The following HTRA1 variants were observed in gnomAD, a reference collection of about 807,000 sequenced individuals.
HTRA1 encodes the protein serine protease HTRA1.
In HTRA1, 26 loss-of-function variants were observed where a neutral mutation model predicts 49.7. That is an observed-to-expected ratio of 0.52 (90% CI 0.38 to 0.73). The LOEUF (loss-of-function observed/expected upper bound fraction) is 0.73. Ranked by LOEUF, HTRA1 falls within the 30% of genes least tolerant of loss-of-function variation. The probability of loss-of-function intolerance (pLI) is 0.00; values close to 1 mark genes in which losing one functional copy is unlikely to be tolerated. For missense variants in HTRA1, 561 were observed against 667.2 expected (o/e 0.84, Z 1.75); for synonymous variants, 291 against 286.9 (o/e 1.01, Z -0.14).
In HTRA1 at chr10:122,461,585, A is replaced by T; in HGVS notation, c.-68A>T. 1.9e-6 allele frequency: 2 copies of T among 1,028,530 alleles called. No homozygotes were observed. The highest frequency in any genetic ancestry group is 1.5e-5 in the South Asian group (1 of 67,178). 63.7% of individuals were successfully genotyped at this position (1,028,530 alleles called of 1,614,324 possible). ...CCCGCTGCCCCCGAGGCCCTCCTGC[A>T]CTCTCCCCGGCGCCGCTCTCCGGCC... On this transcript the variant is annotated 5_prime_UTR_variant, in exon 1 of 9. Coordinates refer to ENST00000368984, the MANE Select transcript of HTRA1 (RefSeq NM_002775.5).
chr10:122,491,937 A>AG (rs2097496061), intron 3 of HTRA1, among the ~76,000 whole-genome samples: 1 of 152,224 alleles, frequency 6.6e-6, no homozygotes, highest in African/African-American at 2.4e-5. Context: ...AGTTGAAAGT[A>AG]GGGAGAGTAA....
At chr10:122,510,532 G>A (rs1271119522) in intron 7 of HTRA1, among the ~76,000 whole-genome samples, 2 of 152,134 alleles carry the variant, frequency 1.3e-5, no homozygotes, top group African/African-American at 2.4e-5. Flanking sequence ...AGCCCCTCCC[G>A]CAGCTCTAGG....
chr10:122,504,545 C>T (rs2097502268), intron 3 of HTRA1, among the ~76,000 whole-genome samples: 2 of 152,186 alleles, frequency 1.3e-5, no homozygotes, highest in Non-Finnish European at 2.9e-5. Flanking sequence ...CCACCCCGCT[C>T]CATTAACCTG....
chr10:122,475,996 G>A lies in HTRA1; in HGVS notation c.473-12906G>A, dbSNP rs2097488299. On this transcript the variant is annotated intron_variant, in intron 1 of 8. Transcript: ENST00000368984. ...CTGGGAAAGAAATGAGTGTTGTGGG[G>A]CAGCTTTGCTGCATTCACTGGGTCA... 2.0e-5 allele frequency among the ~76,000 whole-genome samples: 3 copies of A among 152,206 alleles called. No individual in the cohort carries two copies. In the South Asian group the frequency reaches 6.2e-4, roughly 32 times the overall value.
intron 3 of HTRA1, among the ~76,000 whole-genome samples, chr10:122,501,175 C>T (rs1005477245): frequency 2.6e-5 from 4 of 152,114 alleles, no homozygotes; most frequent in African/African-American, 7.2e-5. Flanking sequence ...GGTGGTGGGT[C>T]GTGAAGGCTG....
At chr10:122,477,054 G>A (rs916259971) in intron 1 of HTRA1, among the ~76,000 whole-genome samples, 4 of 144,702 alleles carry the variant, frequency 2.8e-5, no homozygotes, top group Admixed American at 7.2e-5. Context: ...TGCAAGCTCC[G>A]CCTTCCAGGT....
intron 1 of HTRA1, among the ~76,000 whole-genome samples, chr10:122,485,918 G>C (rs1206115799): frequency 6.6e-6 from 1 of 152,218 alleles, no homozygotes; most frequent in East Asian, 1.9e-4. Flanking sequence ...CCAGGAAGCT[G>C]GTCTGAGGAA....
rs996483189 is a variant in HTRA1, at chr10:122,461,686, C to T, written c.34C>T (p.Leu12=). ...CCCGCGCGCCGCTCTTCTCCCGCTG[C>T]TGCTGCTGCTGCTGGCGGCGCCCGC... is the stretch of plus-strand genomic sequence containing the variant. ...QIPRAALLPL[L]LLLLAAPASA... The change falls in exon 1 of 9, where the codon CTG becomes TTG. Residue 12 remains leucine (L), a synonymous_variant. Coordinates refer to ENST00000368984, the MANE Select transcript of HTRA1 (RefSeq NM_002775.5). 6.1e-6 allele frequency: 8 copies of T among 1,304,380 alleles called. No individual in the cohort carries two copies. The South Asian group carries it at 1.1e-4, about 18-fold the overall frequency. The allele number at this position is 1,304,380 out of a possible 1,614,324, so 80.8% of individuals were successfully genotyped here.
chr10:122,469,403 G>C (rs2097485153), intron 1 of HTRA1, among the ~76,000 whole-genome samples: 1 of 152,228 alleles, frequency 6.6e-6, no homozygotes, highest in Non-Finnish European at 1.5e-5. Flanking sequence ...GATGGACACA[G>C]TTGGGATTGC....
chr10:122,513,317 A>C (rs1353943598), intron 8 of HTRA1, among the ~76,000 whole-genome samples: 1 of 152,142 alleles, frequency 6.6e-6, no homozygotes, highest in African/African-American at 2.4e-5. Context: ...ACCCATTATA[A>C]GCAAGTTGGC....
intron 1 of HTRA1, among the ~76,000 whole-genome samples, chr10:122,465,276 T>C (rs1220795104): frequency 6.6e-6 from 1 of 152,200 alleles, no homozygotes; most frequent in Non-Finnish European, 1.5e-5. Context: ...CATCTCCAGC[T>C]GTACTGGTCA....
Position 122,514,553 on chromosome 10 carries a change from G to A in HTRA1, c.*194G>A. 1.6e-6 allele frequency: 1 copy of A among 625,982 alleles called. No individual in the cohort carries two copies. Among genetic ancestry groups the A allele is most frequent in the South Asian group, 1.8e-5 (1 of 54,744 alleles). 38.8% of individuals were successfully genotyped at this position (625,982 alleles called of 1,614,324 possible). A position where few individuals can be genotyped will look rare whatever the true frequency, so the allele number is the denominator to read the frequency against. ...ACAAATGTAATGTTGCAGATCCGCAGGCAGAAGCTCTGCCCTTCTGTATCC... is the reference window on the plus strand; with the variant it reads ...ACAAATGTAATGTTGCAGATCCGCAAGCAGAAGCTCTGCCCTTCTGTATCC... On this transcript the variant is annotated 3_prime_UTR_variant, in exon 9 of 9. Coordinates refer to ENST00000368984, the MANE Select transcript of HTRA1 (RefSeq NM_002775.5).
intron 8 of HTRA1, among the ~76,000 whole-genome samples, chr10:122,513,192 G>A (rs140919995): frequency 3.2e-4 from 49 of 152,154 alleles, no homozygotes; most frequent in African/African-American, 1.1e-3. Context: ...CCATGACAGC[G>A]TTTTGACGCT....
At chr10:122,489,834 A>C (rs529589420) in intron 3 of HTRA1, among the ~76,000 whole-genome samples, 1 of 152,268 alleles carries the variant, frequency 6.6e-6, no homozygotes, top group African/African-American at 2.4e-5. Flanking sequence ...AAGGAGCCAG[A>C]TAAAAGTTTT....
At chr10:122,470,170 T>C (rs942051043) in intron 1 of HTRA1, among the ~76,000 whole-genome samples, 29 of 152,226 alleles carry the variant, frequency 1.9e-4, no homozygotes, top group Non-Finnish European at 4.4e-5. Flanking sequence ...GAAAGAGAAG[T>C]GTTGACGTCT....
rs372094829 is a variant in HTRA1, at chr10:122,514,377, A to G, written c.*18A>G. ...ACCCATAGGCAGAGGCATGAGCTGG[A>G]CTTCATGTTTCCCTCAAAGACTCTC... On this transcript the variant is annotated 3_prime_UTR_variant, in exon 9 of 9. Coordinates refer to ENST00000368984, the MANE Select transcript of HTRA1 (RefSeq NM_002775.5). 2 of 1,612,958 alleles carry G rather than the reference A, an allele frequency of 1.2e-6. No homozygotes were observed. The highest frequency in any genetic ancestry group is 2.7e-5 in the African/African-American group (2 of 74,888).
In HTRA1 at chr10:122,512,006, C is replaced by T; in HGVS notation, c.1215C>T (p.Phe405=). Residue 405 remains phenylalanine, a synonymous_variant, in exon 8 of 9, where the codon TTC becomes TTT. Coordinates refer to ENST00000368984, the MANE Select transcript of HTRA1 (RefSeq NM_002775.5). ...AKELKDRHRD[F]PDVISGAYII... Reference sequence around the variant, plus strand: ...AGCTGAAGGACCGGCACCGGGACTTCCCAGACGTGATCTCAGGAGCGTATA... The same window carrying T: ...AGCTGAAGGACCGGCACCGGGACTTTCCAGACGTGATCTCAGGAGCGTATA... 3 of 1,613,948 alleles carry T rather than the reference C, an allele frequency of 1.9e-6. No homozygotes were observed. Among genetic ancestry groups the T allele is most frequent in the Non-Finnish European group, 2.5e-6 (3 of 1,179,928 alleles).
At chr10:122,468,974 TTTCATAAA>T (rs1371601296) in intron 1 of HTRA1, among the ~76,000 whole-genome samples, 1 of 152,132 alleles carries the variant, frequency 6.6e-6, no homozygotes, top group Non-Finnish European at 1.5e-5. Context: ...AATAAGCACG[TTTCATAAA>T]AACAATCCTC....
intron 6 of HTRA1, 71 bp from the exon 7 acceptor site, chr10:122,510,025 C>G (rs769243775): frequency 1.4e-4 from 191 of 1,370,600 alleles, no homozygotes; most frequent in Non-Finnish European, 1.9e-4. Context: ...GATTGGGCCC[C>G]CGGCCCCTGG....
Sources: gnomAD v4.1 joint callset for allele counts (sites outside exome capture counted in the v4.1 genomes callset) on GRCh38, gnomAD v4.1.1 for gene constraint, MANE v1.5 for transcripts, NCBI Gene and HGNC (gene_info 2026-07-23, HGNC 2026-07-21) for gene names.